The following LMTK2 variants were observed in gnomAD, a reference collection of about 807,000 sequenced individuals.
The protein encoded by LMTK2 is lemur tail kinase 2, also known as serine/threonine-protein kinase LMTK2.
LMTK2 carries 37 observed loss-of-function variants against 127.5 expected under a neutral mutation model. The observed-to-expected ratio is 0.29, with a 90% CI of 0.22 to 0.38. The LOEUF (loss-of-function observed/expected upper bound fraction) is 0.38, where lower values mean the gene tolerates loss of function less well. Among genes scored for constraint, LMTK2 ranks in the 10% least tolerant of loss-of-function variants. LMTK2 has a pLI of 1.00. For synonymous variants in LMTK2, 819 were observed against 810.1 expected (o/e 1.01, Z -0.19); for missense variants, 1,694 against 1,920.3 (o/e 0.88, Z 2.20).
At chr7:98,133,124 A>C (rs1796547608) in intron 1 of LMTK2, among the ~76,000 whole-genome samples, 1 of 152,196 alleles carries the variant, frequency 6.6e-6, no homozygotes, top group Non-Finnish European at 1.5e-5. Context: ...GGTGTTTTTT[A>C]ATCAGTGTCT....
chr7:98,113,081 G>A (rs920511284), intron 1 of LMTK2, among the ~76,000 whole-genome samples: 1 of 152,088 alleles, frequency 6.6e-6, no homozygotes, highest in Non-Finnish European at 1.5e-5. Context: ...TGGTGATATG[G>A]TTTGGCTGTT....
chr7:98,205,964 T>C lies in LMTK2; in HGVS notation c.*472T>C, dbSNP rs2291749. ...TTTCTAGAGAAATCACGAACTGCTT[T>C]CTGTAATTGCACTGTGGATAAATGT... On this transcript the variant is annotated 3_prime_UTR_variant, in exon 14 of 14. Coordinates refer to ENST00000297293, the MANE Select transcript of LMTK2 (RefSeq NM_014916.4). 0.014 allele frequency: 2,179 copies of C among 160,808 alleles called. 42 individuals carry two copies. Among genetic ancestry groups the C allele is most frequent in the East Asian group, 0.077 (429 of 5,606 alleles). 10.0% of individuals were successfully genotyped at this position (160,808 alleles called of 1,614,324 possible).
At chr7:98,184,999 A>G in intron 7 of LMTK2, 52 bp from the exon 8 acceptor site, 2 of 1,327,978 alleles carry the variant, frequency 1.5e-6, no homozygotes, top group Non-Finnish European at 2.2e-6. Context: ...TCCATACAGC[A>G]TGATCCTGGT....
At chr7:98,198,060 T>C (rs1211645025) in intron 11 of LMTK2, among the ~76,000 whole-genome samples, 2 of 151,878 alleles carry the variant, frequency 1.3e-5, no homozygotes, top group African/African-American at 4.9e-5. Context: ...AAATTGCTTT[T>C]GTTTTCATGG....
At chr7:98,146,464 G>A (rs1282041412) in intron 3 of LMTK2, among the ~76,000 whole-genome samples, 1 of 151,892 alleles carries the variant, frequency 6.6e-6, no homozygotes, top group Non-Finnish European at 1.5e-5. Context: ...AAAATAATCT[G>A]TAATGGTTGT....
intron 5 of LMTK2, among the ~76,000 whole-genome samples, chr7:98,155,912 T>A (rs1018033459): frequency 6.6e-6 from 1 of 152,084 alleles, no homozygotes; most frequent in African/African-American, 2.4e-5. Context: ...GTGATAGACC[T>A]TGGTAACAGT....
In LMTK2 at chr7:98,209,063, C is replaced by T. The variant is rs547666901; in HGVS notation, c.*3571C>T. On this transcript the variant is annotated 3_prime_UTR_variant, in exon 14 of 14. Transcript: ENST00000297293. The stretch of plus-strand genomic sequence containing the variant: ...TCAGAAGTGAACCAAGGGTTAGACG[C>T]CAGAGGTTGGGCTTCTGTTAGAGTG... The T allele has an allele frequency of 6.6e-6, 1 of 152,258 alleles. No individual in the cohort carries two copies. Among genetic ancestry groups the T allele is most frequent in the African/African-American group, 2.4e-5 (1 of 41,530 alleles). 9.4% of individuals were successfully genotyped at this position (152,258 alleles called of 1,614,324 possible).
intron 1 of LMTK2, among the ~76,000 whole-genome samples, chr7:98,109,945 T>G (rs1796176574): frequency 6.6e-6 from 1 of 152,108 alleles, no homozygotes; most frequent in Admixed American, 6.6e-5. Context: ...GGAATCCCGC[T>G]TGACCATGTA....
In LMTK2 at chr7:98,193,396, C is replaced by T; in HGVS notation, c.2931C>T (p.Ser977=). 6.2e-7 allele frequency: 1 copy of T among 1,614,184 alleles called. No individual in the cohort carries two copies. Among genetic ancestry groups the T allele is most frequent in the Non-Finnish European group, 8.5e-7 (1 of 1,180,036 alleles). The change falls in exon 11 of 14, where the codon AGC becomes AGT. Residue 977 remains serine, a synonymous_variant. Coordinates refer to ENST00000297293, the MANE Select transcript of LMTK2 (RefSeq NM_014916.4). The surrounding 1 kb of genome is among the most constrained non-coding windows in gnomAD (Gnocchi z 4.1). ...CCTCGGACTCAACCAGTCAGGACAG[C>T]CTCCTGGAGGACAGCTTGTCAGCAC... The part of the protein sequence containing the change: ...ALSSDSTSQD[S]LLEDSLSAPF...
At position 98,195,604 on chromosome 7, in the gene LMTK2, G is replaced by T. The variant is rs185989700; in HGVS notation, c.4107+1032G>T. ...GGGGTCCCCTCACCTTCTAGAAGGC[G>T]CAGGAGTCCTCGCCGTCTCCTTCAC... On this transcript the variant is annotated intron_variant, in intron 11 of 13. Coordinates refer to ENST00000297293, the MANE Select transcript of LMTK2 (RefSeq NM_014916.4). Among the ~76,000 whole-genome samples, 22 of 152,284 alleles carry T rather than the reference G, an allele frequency of 1.4e-4. No homozygotes were observed. The East Asian group carries it at 3.9e-3, about 27-fold the overall frequency.
chr7:98,203,099 C>G (rs1000723653), intron 11 of LMTK2, among the ~76,000 whole-genome samples: 9 of 152,168 alleles, frequency 5.9e-5, no homozygotes, highest in African/African-American at 2.2e-4. Context: ...AGCAAGAGAA[C>G]AGAGAAAAGA....
chr7:98,165,238 C>G (rs1192131116), intron 6 of LMTK2, among the ~76,000 whole-genome samples: 1 of 152,160 alleles, frequency 6.6e-6, no homozygotes, highest in Non-Finnish European at 1.5e-5. Flanking sequence ...TGGGCTAGGC[C>G]CAGTGCTGGG....
At chr7:98,167,992 C>T (rs1466720615) in intron 6 of LMTK2, among the ~76,000 whole-genome samples, 1 of 152,166 alleles carries the variant, frequency 6.6e-6, no homozygotes, top group African/African-American at 2.4e-5. Context: ...GAGACCCGAC[C>T]AGCTGTGCTT....
chr7:98,116,956 G>T (rs1487977708), intron 1 of LMTK2, among the ~76,000 whole-genome samples: 1 of 152,236 alleles, frequency 6.6e-6, no homozygotes, highest in Non-Finnish European at 1.5e-5. Context: ...GACTGGGGGT[G>T]TGGGTTTCTG....
chr7:98,108,410 A>G (rs1217385519), intron 1 of LMTK2, among the ~76,000 whole-genome samples: 1 of 152,246 alleles, frequency 6.6e-6, no homozygotes, highest in Non-Finnish European at 1.5e-5. Context: ...TTTTTCAAAC[A>G]AATCTACGAT....
intron 1 of LMTK2, among the ~76,000 whole-genome samples, chr7:98,124,793 AAAT>A (rs1796419385): frequency 6.6e-6 from 1 of 151,922 alleles, no homozygotes; most frequent in African/African-American, 2.4e-5. Flanking sequence ...TCTAAAAAAA[AAAT>A]AATAATAACA....
At chr7:98,144,168 T>A (rs888544109) in intron 3 of LMTK2, among the ~76,000 whole-genome samples, 2 of 152,126 alleles carry the variant, frequency 1.3e-5, no homozygotes, top group African/African-American at 4.8e-5. Context: ...CGGTGGTTCA[T>A]GCCTGTAATC....
At chr7:98,140,075 C>CG (rs1796653835) in intron 2 of LMTK2, among the ~76,000 whole-genome samples, 3 of 139,048 alleles carry the variant, frequency 2.2e-5, no homozygotes, top group African/African-American at 8.8e-5. Context: ...AAGGTTTCCA[C>CG]AACTTTCTTT....
intron 1 of LMTK2, among the ~76,000 whole-genome samples, chr7:98,119,070 T>A (rs7808238): frequency 6.8e-6 from 1 of 148,124 alleles, no homozygotes. Context: ...CCCGCCTGGG[T>A]GACAGAGTGA....
Sources: gnomAD v4.1 joint callset for allele counts (sites outside exome capture counted in the v4.1 genomes callset) on GRCh38, gnomAD v4.1.1 for gene constraint, Gnocchi (gnomAD v3.1) non-coding constraint, MANE v1.5 for transcripts, NCBI Gene and HGNC (gene_info 2026-07-23, HGNC 2026-07-21) for gene names.